The following CORIN variants were observed in gnomAD, a reference collection of about 807,000 sequenced individuals.
CORIN encodes the protein atrial natriuretic peptide-converting enzyme.
In CORIN, 117 loss-of-function variants were observed where a neutral mutation model predicts 125.3. The ratio of observed to expected loss-of-function variants is 0.93; its 90% confidence interval spans 0.80 to 1.09. The LOEUF (loss-of-function observed/expected upper bound fraction) is 1.09, where lower values mean the gene tolerates loss of function less well. Ranked by LOEUF, CORIN falls within the 50% of genes least tolerant of loss-of-function variation. The pLI is 0.00. For missense variants in CORIN, 1,253 were observed against 1,306.7 expected, an observed-to-expected ratio of 0.96 and a Z score of 0.63; for synonymous variants, 450 against 466.4, an observed-to-expected ratio of 0.96 and a Z score of 0.45.
intron 5 of CORIN, among the ~76,000 whole-genome samples, chr4:47,697,595 T>C (rs1726081115): frequency 1.3e-5 from 2 of 152,048 alleles, no homozygotes; most frequent in Non-Finnish European, 2.9e-5. Flanking sequence ...GTACCTGTAA[T>C]CTCAGCTACC....
At chr4:47,666,530 C>A (rs1724491162) in intron 10 of CORIN, among the ~76,000 whole-genome samples, 1 of 152,178 alleles carries the variant, frequency 6.6e-6, no homozygotes, top group African/African-American at 2.4e-5. Context: ...TTTGCATGAA[C>A]TGAACATTTG....
intron 2 of CORIN, among the ~76,000 whole-genome samples, chr4:47,788,442 A>T (rs1341874214): frequency 1.3e-5 from 2 of 152,218 alleles, no homozygotes; most frequent in African/African-American, 4.8e-5. Context: ...TGATCATGTA[A>T]TGCGGGTAAC....
intron 19 of CORIN, among the ~76,000 whole-genome samples, chr4:47,618,499 C>T (rs1722165787): frequency 6.6e-6 from 1 of 151,650 alleles, no homozygotes; most frequent in Non-Finnish European, 1.5e-5. Context: ...GTGATGAACC[C>T]AGGGAACGAG....
intron 16 of CORIN, among the ~76,000 whole-genome samples, chr4:47,638,584 C>A (rs1398919548): frequency 1.3e-5 from 2 of 152,192 alleles, no homozygotes; most frequent in African/African-American, 2.4e-5. Context: ...TTTCCCCACA[C>A]AAGCTCTCTC....
chr4:47,833,805 A>G (rs1419257587), intron 1 of CORIN, among the ~76,000 whole-genome samples: 1 of 152,230 alleles, frequency 6.6e-6, no homozygotes, highest in Non-Finnish European at 1.5e-5. Flanking sequence ...TATATGAAAG[A>G]TGCTCAACAT....
intron 19 of CORIN, among the ~76,000 whole-genome samples, chr4:47,617,974 A>G (rs1293108423): frequency 1.2e-5 from 1 of 81,974 alleles, no homozygotes; most frequent in East Asian, 2.4e-4. Context: ...GTTGAAAGTC[A>G]GGCATGGCAG....
chr4:47,642,186 C>T (rs1005040280), intron 15 of CORIN, 137 bp from the exon 16 acceptor site: 40 of 847,354 alleles, frequency 4.7e-5, no homozygotes, highest in African/African-American at 4.0e-4. Flanking sequence ...GTGTACCTAC[C>T]CTGTGCAAAT....
intron 10 of CORIN, among the ~76,000 whole-genome samples, chr4:47,673,686 A>T (rs1169008613): frequency 6.6e-6 from 1 of 152,196 alleles, no homozygotes; most frequent in Non-Finnish European, 1.5e-5. Context: ...TGGAGCTGTT[A>T]CACTGTCACC....
At chr4:47,753,684 G>C (rs941248173) in intron 4 of CORIN, among the ~76,000 whole-genome samples, 1 of 152,122 alleles carries the variant, frequency 6.6e-6, no homozygotes, top group East Asian at 1.9e-4. Context: ...TATTCTGCCC[G>C]ACCCCGCAGG....
At chr4:47,696,897 C>A (rs538486299) in intron 5 of CORIN, among the ~76,000 whole-genome samples, 1 of 152,148 alleles carries the variant, frequency 6.6e-6, no homozygotes, top group Non-Finnish European at 1.5e-5. Context: ...CTTTTAGAGT[C>A]CTTTTCAAAA....
chr4:47,790,140 G>GGTTCCACAGCCAGCCCACCCGA lies in CORIN; in HGVS notation c.209-3216_209-3215insTCGGGTGGGCTGGCTGTGGAAC, dbSNP rs796208425. The GGTTCCACAGCCAGCCCACCCGA allele has an allele frequency of 2.7e-3, 2,166 of 811,612 alleles. 50 individuals carry two copies. The African/African-American group carries it at 0.037, about 14-fold the overall frequency. The allele number at this position is 811,612 out of a possible 1,614,324, so 50.3% of individuals were successfully genotyped here. A position where few individuals can be genotyped will look rare whatever the true frequency, so the allele number is the denominator to read the frequency against. ...TTATTGTGCTATGGTTAAAAGTACA[G>GGTTCCACAGCCAGCCCACCCGA]GTTTAAATCCCATCTCTACCACTTG... On this transcript the variant is annotated intron_variant, in intron 2 of 21. Coordinates refer to ENST00000273857, the MANE Select transcript of CORIN (RefSeq NM_006587.4).
At chr4:47,746,849 G>A (rs1357640612) in intron 4 of CORIN, among the ~76,000 whole-genome samples, 1 of 152,064 alleles carries the variant, frequency 6.6e-6, no homozygotes, top group Non-Finnish European at 1.5e-5. Context: ...TGCAAATCTT[G>A]ATATGCACTT....
chr4:47,682,697 T>C (rs2109718542), intron 7 of CORIN: 1 of 152,356 alleles, frequency 6.6e-6, no homozygotes, highest in South Asian at 2.1e-4. Flanking sequence ...TGTATACATG[T>C]ATTAAAATAT....
At chr4:47,747,510 T>TATTTC (rs57541844) in intron 4 of CORIN, among the ~76,000 whole-genome samples, 1,650 of 152,242 alleles carry the variant, frequency 0.011, 42 homozygotes, top group African/African-American at 0.037. Context: ...TATTTTATTT[T>TATTTC]ATTTCATTTC....
chr4:47,637,680 C>A (rs11943208), intron 16 of CORIN, among the ~76,000 whole-genome samples: 39,589 of 152,002 alleles, frequency 0.26, 5,337 homozygotes, highest in Admixed American at 0.35. Context: ...GATTTGGGAA[C>A]CTCTGCCTAG....
intron 4 of CORIN, among the ~76,000 whole-genome samples, chr4:47,762,067 T>C (rs976520833): frequency 6.6e-5 from 10 of 152,042 alleles, no homozygotes; most frequent in African/African-American, 2.2e-4. Flanking sequence ...TATGCACACA[T>C]ACATATATGT....
intron 1 of CORIN, among the ~76,000 whole-genome samples, chr4:47,833,219 A>G (rs1180224485): frequency 6.6e-6 from 1 of 152,228 alleles, no homozygotes; most frequent in Admixed American, 6.5e-5. Flanking sequence ...AAACAGCCAT[A>G]TGGCCAAACA....
At chr4:47,810,694 T>C (rs1577943390) in intron 1 of CORIN, among the ~76,000 whole-genome samples, 1 of 152,270 alleles carries the variant, frequency 6.6e-6, no homozygotes, top group East Asian at 1.9e-4. Flanking sequence ...ATTCCTTCTC[T>C]TTCTGTAGGC....
chr4:47,735,034 T>C (rs575246048), intron 5 of CORIN, among the ~76,000 whole-genome samples: 4 of 152,322 alleles, frequency 2.6e-5, no homozygotes, highest in Non-Finnish European at 4.4e-5. Context: ...TCAATCAATA[T>C]TGAATGAAAA....
Sources: allele counts gnomAD v4.1 joint callset (sites outside exome capture counted in the v4.1 genomes callset), GRCh38; gene constraint gnomAD v4.1.1; transcripts MANE v1.5; gene names NCBI Gene and HGNC (gene_info 2026-07-23, HGNC 2026-07-21).